Variants in SCAPER observed in about 807,000 individuals in gnomAD.
The protein encoded by SCAPER is S phase cyclin A-associated protein in the endoplasmic reticulum.
In SCAPER, 98 loss-of-function variants were observed where a neutral mutation model predicts 182.2. The ratio of observed to expected loss-of-function variants is 0.54; its 90% CI spans 0.46 to 0.64. The LOEUF (loss-of-function observed/expected upper bound fraction) is 0.64. SCAPER is among the 30% of genes least tolerant of loss of function. The pLI, the probability that SCAPER is intolerant of heterozygous loss-of-function variation, is 0.00. For missense variants in SCAPER, 1,432 were observed against 1,690.0 expected (o/e 0.85, Z 2.68); for synonymous variants, 605 against 564.6 (o/e 1.07, Z -1.01).
intron 2 of SCAPER, among the ~76,000 whole-genome samples, chr15:76,865,604 G>C (rs1227650782): frequency 6.6e-6 from 1 of 152,122 alleles, no homozygotes; most frequent in Non-Finnish European, 1.5e-5. Context: ...ATCCAGTACA[G>C]AGACAAATTG....
At chr15:76,515,127 G>A (rs2042318961) in intron 23 of SCAPER, among the ~76,000 whole-genome samples, 1 of 152,182 alleles carries the variant, frequency 6.6e-6, no homozygotes, top group Admixed American at 6.5e-5. Flanking sequence ...CAGTAAGTGG[G>A]GCTGAGAGGC....
At chr15:76,422,106 C>A (rs1333138075) in intron 26 of SCAPER, among the ~76,000 whole-genome samples, 2 of 152,148 alleles carry the variant, frequency 1.3e-5, no homozygotes, top group Non-Finnish European at 1.5e-5. Context: ...GCAATGCGGG[C>A]CCTTTTTTGG....
At chr15:76,701,212 T>C (rs547913504) in intron 20 of SCAPER, among the ~76,000 whole-genome samples, 1 of 152,282 alleles carries the variant, frequency 6.6e-6, no homozygotes, top group African/African-American at 2.4e-5. Context: ...GAATTTCTTA[T>C]TCTTGAGTAG....
intron 27 of SCAPER, among the ~76,000 whole-genome samples, chr15:76,403,633 T>C (rs1596459492): frequency 3.3e-5 from 5 of 152,342 alleles, no homozygotes. Context: ...AGCTAGACTT[T>C]AGAAGCTTAG....
chr15:76,369,775 G>A (rs993283515), intron 29 of SCAPER, among the ~76,000 whole-genome samples: 8 of 152,216 alleles, frequency 5.3e-5, no homozygotes, highest in African/African-American at 1.9e-4. Context: ...CAACTCTATT[G>A]GGATATGAGC....
chr15:76,454,808 C>T lies in SCAPER; in HGVS notation c.3078+16404G>A, dbSNP rs189804156. Among the ~76,000 whole-genome samples, 22 of 151,318 alleles carry T rather than the reference C, an allele frequency of 1.5e-4. No homozygotes were observed. In the East Asian group the frequency reaches 1.7e-3, roughly 12 times the overall value. On this transcript the variant is annotated intron_variant, in intron 25 of 31. Coordinates refer to ENST00000563290, the MANE Select transcript of SCAPER (RefSeq NM_020843.4). ...CATTGAAATGATCTTGTTCCTGGAA[C>T]GTTTGCTGGAAGTTGGCCATAGCAT...
chr15:76,850,407 GAC>G (rs2070616151), intron 4 of SCAPER, among the ~76,000 whole-genome samples: 1 of 152,120 alleles, frequency 6.6e-6, no homozygotes, highest in Non-Finnish European at 1.5e-5. Context: ...CACTGTTAGT[GAC>G]ACAGAGTTTC....
In SCAPER at chr15:76,784,739, A is replaced by G. The variant is rs573684036; in HGVS notation, c.773-9622T>C. Among the ~76,000 whole-genome samples, 8 of 152,332 alleles carry G rather than the reference A, an allele frequency of 5.3e-5. 1 individual carries two copies. In the South Asian group the frequency reaches 1.5e-3, roughly 28 times the overall value. ...GCCTCAGAAATAACACCACACATCT[A>G]CAACCATCTGACCTTTGACAAACCT... On this transcript the variant is annotated intron_variant, in intron 8 of 31. Transcript: ENST00000563290.
chr15:76,636,230 C>T (rs998326347), intron 21 of SCAPER, among the ~76,000 whole-genome samples: 3 of 152,152 alleles, frequency 2.0e-5, no homozygotes, highest in Admixed American at 2.0e-4. Context: ...AGTGTGTCAT[C>T]TCATTGCCAA....
At chr15:76,692,946 A>G (rs1347415813) in intron 20 of SCAPER, among the ~76,000 whole-genome samples, 2 of 152,124 alleles carry the variant, frequency 1.3e-5, no homozygotes, top group East Asian at 3.9e-4. Flanking sequence ...AAAAAATAGA[A>G]TATTGCAATA....
chr15:76,558,600 G>A (rs925204317), intron 23 of SCAPER, among the ~76,000 whole-genome samples: 1 of 152,212 alleles, frequency 6.6e-6, no homozygotes, highest in Admixed American at 6.5e-5. Flanking sequence ...TTCAGCCACT[G>A]TGGAAAGCAG....
Position 76,783,145 on chromosome 15 carries a change from C to G in SCAPER, c.773-8028G>C, listed in dbSNP as rs182579816. On this transcript the variant is annotated intron_variant, in intron 8 of 31. Coordinates refer to ENST00000563290, the MANE Select transcript of SCAPER (RefSeq NM_020843.4). ...ATTGATAGACCACTAGCAAGACTAA[C>G]AAAGAAGAAAAGAGAGAAGAATCAA... is the stretch of plus-strand genomic sequence containing the variant. 5.9e-5 allele frequency among the ~76,000 whole-genome samples: 9 copies of G among 151,596 alleles called. No individual in the cohort carries two copies. In the East Asian group the frequency reaches 1.6e-3, roughly 26 times the overall value.
intron 4 of SCAPER, among the ~76,000 whole-genome samples, chr15:76,847,801 G>C (rs1269354464): frequency 6.6e-6 from 1 of 152,054 alleles, no homozygotes; most frequent in Non-Finnish European, 1.5e-5. Context: ...CACACCTGTA[G>C]TCCCAGCCAC....
At chr15:76,513,023 A>G (rs2042166147) in intron 23 of SCAPER, among the ~76,000 whole-genome samples, 2 of 152,174 alleles carry the variant, frequency 1.3e-5, no homozygotes, top group Admixed American at 1.3e-4. Context: ...ATGGCCAGAT[A>G]GACACACTGC....
chr15:76,675,309 A>C (rs1490460809), intron 20 of SCAPER, among the ~76,000 whole-genome samples: 1 of 152,254 alleles, frequency 6.6e-6, no homozygotes, highest in African/African-American at 2.4e-5. Context: ...ACTTAAAACG[A>C]AATTAACACA....
intron 20 of SCAPER, among the ~76,000 whole-genome samples, chr15:76,666,134 T>G (rs1306793038): frequency 1.3e-5 from 2 of 152,130 alleles, no homozygotes; most frequent in African/African-American, 4.8e-5. Flanking sequence ...TAGAGTGCCG[T>G]TAAGAACCCG....
intron 2 of SCAPER, among the ~76,000 whole-genome samples, chr15:76,883,059 C>T (rs1202556193): frequency 5.3e-5 from 8 of 152,172 alleles, no homozygotes; most frequent in Non-Finnish European, 1.2e-4. Flanking sequence ...CAAAAGGAAT[C>T]AGTAACTAAT....
intron 5 of SCAPER, among the ~76,000 whole-genome samples, chr15:76,835,871 A>G (rs1568293160): frequency 1.3e-5 from 2 of 150,904 alleles, no homozygotes; most frequent in Non-Finnish European, 1.5e-5. Flanking sequence ...TAGCATTTCT[A>G]TACACCAGTA....
At chr15:76,766,184 C>T (rs928883247) in intron 11 of SCAPER, among the ~76,000 whole-genome samples, 1 of 152,062 alleles carries the variant, frequency 6.6e-6, no homozygotes, top group East Asian at 1.9e-4. Flanking sequence ...GCAACCTCCG[C>T]CTCCCGGGTT....
Sources: gnomAD v4.1 joint callset for allele counts (sites outside exome capture counted in the v4.1 genomes callset) on GRCh38, gnomAD v4.1.1 for gene constraint, MANE v1.5 for transcripts, NCBI Gene and HGNC (gene_info 2026-07-23, HGNC 2026-07-21) for gene names.